Variants in CDC5L observed in about 807,000 individuals in gnomAD.
The protein encoded by CDC5L is cell division cycle 5-like protein.
A neutral mutation model predicts 104.1 loss-of-function variants in CDC5L; 18 were observed. The ratio of observed to expected loss-of-function variants is 0.17; its 90% CI spans 0.12 to 0.26. CDC5L has a LOEUF of 0.26. Ranked by LOEUF, CDC5L falls within the 10% of genes least tolerant of loss-of-function variation. CDC5L has a pLI of 1.00. For synonymous variants in CDC5L, 331 were observed against 322.7 expected, an observed-to-expected ratio of 1.03 and a Z score of -0.28; for missense variants, 673 against 956.9, an observed-to-expected ratio of 0.70 and a Z score of 3.91.
At chr6:44,427,923 C>G (rs986071990) in intron 13 of CDC5L, among the ~76,000 whole-genome samples, 1 of 152,152 alleles carries the variant, frequency 6.6e-6, no homozygotes, top group Non-Finnish European at 1.5e-5. Flanking sequence ...AGGGTAAACC[C>G]TAACACAATT....
At chr6:44,418,845 G>GTT (rs11375216) in intron 8 of CDC5L, among the ~76,000 whole-genome samples, 1,384 of 136,262 alleles carry the variant, frequency 0.01, 18 homozygotes, top group South Asian at 0.035. Context: ...GTGGTTGTTT[G>GTT]TTTTTTTTTT....
intron 3 of CDC5L, among the ~76,000 whole-genome samples, 192 bp downstream of exon 3, chr6:44,393,020 A>C (rs1790687912): frequency 6.6e-6 from 1 of 152,168 alleles, no homozygotes; most frequent in East Asian, 1.9e-4. Flanking sequence ...ATACTTCCTA[A>C]AATAATAATT....
chr6:44,407,425 C>T (rs1012676613), intron 7 of CDC5L, among the ~76,000 whole-genome samples: 3 of 151,858 alleles, frequency 2.0e-5, no homozygotes, highest in Non-Finnish European at 4.4e-5. Flanking sequence ...CTTCCGCGTT[C>T]AAGCGATTCT....
rs1022052815 is a variant in CDC5L at position 44,408,491 on chromosome 6, T to G, written c.951T>G (p.Ser317Arg). 9 of 1,613,682 alleles carry G rather than the reference T, an allele frequency of 5.6e-6. No homozygotes were observed. Among genetic ancestry groups the G allele is most frequent in the Non-Finnish European group, 7.6e-6 (9 of 1,179,838 alleles). The change falls in exon 8 of 16, where the codon AGT (serine) becomes AGG (arginine). Residue 317 changes from serine to arginine, a missense_variant. By Grantham distance (110) the Ser-to-Arg change is moderately radical. Transcript: ENST00000371477. Reference protein sequence around the residue: ...LQEVVKVGQASEIARQTAEES... With the variant: ...LQEVVKVGQAREIARQTAEES... ...AAGTTGTAAAAGTAGGCCAAGCGAG[T>G]GAAATTGCACGTCAAACTGCCGAGG...
chr6:44,391,108 TATATA>T (rs1175190087), intron 2 of CDC5L, among the ~76,000 whole-genome samples: 4 of 143,306 alleles, frequency 2.8e-5, no homozygotes, highest in Non-Finnish European at 6.0e-5. Context: ...TGTTATATAT[TATATA>T]TTAAACATAT....
Position 44,441,145 on chromosome 6 carries a change from A to G in CDC5L, c.2092-4510A>G, listed in dbSNP as rs181877615. Among the ~76,000 whole-genome samples the G allele has an allele frequency of 1.6e-3, 242 of 152,058 alleles. 1 individual carries two copies. In the South Asian group the frequency reaches 0.016, roughly 10 times the overall value. ...ACCAACATCTCCCCTTTCCCTATCT[A>G]CCCTTTACCCCAGTATCCTCTGGTA... On this transcript the variant is annotated intron_variant, in intron 14 of 15. Coordinates refer to ENST00000371477, the MANE Select transcript of CDC5L (RefSeq NM_001253.4).
chr6:44,438,210 A>G (rs1474041593), intron 14 of CDC5L, among the ~76,000 whole-genome samples: 1 of 152,254 alleles, frequency 6.6e-6, no homozygotes, highest in African/African-American at 2.4e-5. Context: ...GGCCTCCCAA[A>G]GTGCTAGGAT....
intron 1 of CDC5L, among the ~76,000 whole-genome samples, chr6:44,389,894 A>G (rs1039827877): frequency 6.6e-6 from 1 of 152,128 alleles, no homozygotes; most frequent in Non-Finnish European, 1.5e-5. Context: ...TGAGTTATAC[A>G]TTTTTGTTGT....
At chr6:44,397,500 A>G (rs1158851426) in intron 5 of CDC5L, among the ~76,000 whole-genome samples, 1 of 152,178 alleles carries the variant, frequency 6.6e-6, no homozygotes, top group Non-Finnish European at 1.5e-5. Flanking sequence ...AGAAAACCAT[A>G]TTTAAAAAAA....
intron 14 of CDC5L, among the ~76,000 whole-genome samples, chr6:44,434,920 G>C (rs1469949455): frequency 6.6e-6 from 1 of 152,128 alleles, no homozygotes; most frequent in South Asian, 2.1e-4. Context: ...TTTTTAGACA[G>C]TTTCTCTTCT....
At chr6:44,409,991 G>GATGTTTTGATATATGTATACCTT (rs1791556906) in intron 8 of CDC5L, among the ~76,000 whole-genome samples, 1 of 151,548 alleles carries the variant, frequency 6.6e-6, no homozygotes, top group Non-Finnish European at 1.5e-5. Context: ...TGTACAGTAT[G>GATGTTTTGATATATGTATACCTT]ATGTTTTGAT....
At chr6:44,392,498 A>C (rs1474841931) in intron 2 of CDC5L, among the ~76,000 whole-genome samples, 169 bp from the exon 3 acceptor site, 1 of 152,224 alleles carries the variant, frequency 6.6e-6, no homozygotes, top group Admixed American at 6.5e-5. Flanking sequence ...ATGTGATGAG[A>C]TGGGGAATAT....
At position 44,390,999 on chromosome 6, in the gene CDC5L, T is replaced by A. The variant is rs1314257263; in HGVS notation, c.149+628T>A. Among the ~76,000 whole-genome samples, 12 of 124,730 alleles carry A rather than the reference T, an allele frequency of 9.6e-5. 1 individual carries two copies. The highest frequency in any genetic ancestry group is 3.2e-4 in the African/African-American group (11 of 34,766). 81.8% of individuals were successfully genotyped at this position (124,730 alleles called of 152,430 possible). A position where few individuals can be genotyped will look rare whatever the true frequency, so the allele number is the denominator to read the frequency against. ...TTATATATTATATATTAAACATATT[T>A]AATATGTTATATATTATATATTAAA... On this transcript the variant is annotated intron_variant, in intron 2 of 15. Coordinates refer to ENST00000371477, the MANE Select transcript of CDC5L (RefSeq NM_001253.4).
At chr6:44,443,993 G>A (rs1793332870) in intron 14 of CDC5L, among the ~76,000 whole-genome samples, 1 of 152,092 alleles carries the variant, frequency 6.6e-6, no homozygotes. Context: ...AATCCATCCA[G>A]CTAGAGATTT....
chr6:44,411,023 C>T (rs189679393), intron 8 of CDC5L, among the ~76,000 whole-genome samples: 39 of 150,768 alleles, frequency 2.6e-4, no homozygotes, highest in African/African-American at 9.5e-4. Flanking sequence ...TTTTTACCAT[C>T]TCTTATTTCA....
intron 14 of CDC5L, among the ~76,000 whole-genome samples, chr6:44,439,972 A>G (rs1164139783): frequency 1.3e-5 from 2 of 152,122 alleles, no homozygotes; most frequent in Admixed American, 6.5e-5. Context: ...AGTATATCCT[A>G]ACTCCCTTAG....
chr6:44,430,189 G>C (rs1792613432), intron 14 of CDC5L, among the ~76,000 whole-genome samples: 1 of 151,728 alleles, frequency 6.6e-6, no homozygotes, highest in Non-Finnish European at 1.5e-5. Flanking sequence ...TTTAGATGTG[G>C]GAGCAAGGAG....
chr6:44,425,830 T>C (rs1792393101), intron 11 of CDC5L, among the ~76,000 whole-genome samples: 1 of 151,938 alleles, frequency 6.6e-6, no homozygotes, highest in African/African-American at 2.4e-5. Context: ...AGGTTTTCCA[T>C]TTAGATGAGA....
chr6:44,393,688 A>G (rs1276915467), intron 4 of CDC5L, 115 bp downstream of exon 4: 15 of 1,076,926 alleles, frequency 1.4e-5, no homozygotes, highest in Non-Finnish European at 1.7e-5. Flanking sequence ...TTTTTGAGAC[A>G]AGGTCTTGCT....
Sources: allele counts gnomAD v4.1 joint callset (sites outside exome capture counted in the v4.1 genomes callset), GRCh38; gene constraint gnomAD v4.1.1; transcripts MANE v1.5; gene names NCBI Gene and HGNC (gene_info 2026-07-23, HGNC 2026-07-21).